DLGAP2: variants seen among roughly 807,000 people sequenced by gnomAD.
The protein encoded by DLGAP2 is DLG associated protein 2.
A neutral mutation model predicts 100.3 loss-of-function variants in DLGAP2; 26 were observed. That is an observed-to-expected ratio of 0.26 (90% CI 0.19 to 0.36). DLGAP2 has a LOEUF of 0.36. Among genes scored for constraint, DLGAP2 ranks in the 10% least tolerant of loss-of-function variants. The probability of loss-of-function intolerance (pLI) is 1.00; values close to 1 mark genes in which losing one functional copy is unlikely to be tolerated. For synonymous variants in DLGAP2, 886 were observed against 630.1 expected, an observed-to-expected ratio of 1.41 and a Z score of -6.08; for missense variants, 1,858 against 1,453.2, an observed-to-expected ratio of 1.28 and a Z score of -4.53.
chr8:1,668,479 C>T lies in DLGAP2; in HGVS notation c.1961C>T (p.Pro654Leu), dbSNP rs1485011768. The stretch of plus-strand genomic sequence containing the variant: ...CGCGCACAGAGGATGTCCCCGTGGC[C>T]CCAGGACAGCCGCGGCCTCTACAAC... ...DSRAQRMSPW[P>L]QDSRGLYNST... Residue 654 changes from proline (P) to leucine (L), a missense_variant, in exon 9 of 15, where the codon CCC (proline) becomes CTC (leucine). Pro to Leu is a moderately conservative substitution (Grantham distance 98, BLOSUM62 -3). Transcript: ENST00000637795. 3.1e-6 allele frequency: 5 copies of T among 1,593,060 alleles called. No homozygotes were observed. The African/African-American group carries it at 5.4e-5, about 17-fold the overall frequency.
intron 2 of DLGAP2, among the ~76,000 whole-genome samples, chr8:1,097,621 C>T (rs1585055969): frequency 7.2e-6 from 1 of 139,738 alleles, no homozygotes; most frequent in South Asian, 2.3e-4. Context: ...GTGTGAGACC[C>T]AGCTCCCTCT....
chr8:1,377,388 C>G (rs1248281281), intron 3 of DLGAP2, among the ~76,000 whole-genome samples: 1 of 152,106 alleles, frequency 6.6e-6, no homozygotes, highest in Non-Finnish European at 1.5e-5. Flanking sequence ...ACAGAAAATA[C>G]AAAAAATTAG....
intron 3 of DLGAP2, among the ~76,000 whole-genome samples, chr8:1,472,169 C>T (rs578124487): frequency 6.6e-6 from 1 of 152,148 alleles, no homozygotes; most frequent in Non-Finnish European, 1.5e-5. Context: ...CGGGGCCGCA[C>T]TGGGGAGGTG....
intron 2 of DLGAP2, among the ~76,000 whole-genome samples, chr8:925,551 T>C (rs146181763): frequency 6.6e-6 from 1 of 152,232 alleles, no homozygotes; most frequent in East Asian, 1.9e-4. Flanking sequence ...TAGCACAGCT[T>C]GGATGTCCAC....
At chr8:1,476,836 G>A (rs557716999) in intron 3 of DLGAP2, among the ~76,000 whole-genome samples, 39 of 142,096 alleles carry the variant, frequency 2.7e-4, no homozygotes, top group African/African-American at 1.1e-3. Context: ...CCACCCACCA[G>A]CCCCTTCTGC....
chr8:888,814 A>G (rs1337292960), intron 1 of DLGAP2, among the ~76,000 whole-genome samples: 1 of 152,060 alleles, frequency 6.6e-6, no homozygotes. Context: ...GTGTCTGTGT[A>G]CAGGGTGTGT....
At chr8:1,186,819 GC>G (rs1170886919) in intron 2 of DLGAP2, among the ~76,000 whole-genome samples, 9 of 152,130 alleles carry the variant, frequency 5.9e-5, no homozygotes, top group Admixed American at 3.9e-4. Context: ...GCCTGGCTTG[GC>G]TTTGCCTTTT....
chr8:898,964 T>C (rs1798197924), intron 1 of DLGAP2, among the ~76,000 whole-genome samples: 1 of 152,196 alleles, frequency 6.6e-6, no homozygotes, highest in Non-Finnish European at 1.5e-5. Flanking sequence ...TCTTGGGCCC[T>C]GCCCCAGAAC....
At chr8:795,396 T>A (rs1381993468) in intron 1 of DLGAP2, among the ~76,000 whole-genome samples, 3 of 152,218 alleles carry the variant, frequency 2.0e-5, no homozygotes, top group Non-Finnish European at 2.9e-5. Context: ...GTCACAGCCT[T>A]GCACTTAGAC....
At chr8:775,398 T>C (rs1353809771) in intron 1 of DLGAP2, among the ~76,000 whole-genome samples, 3 of 147,610 alleles carry the variant, frequency 2.0e-5, no homozygotes, top group Non-Finnish European at 3.0e-5. Flanking sequence ...TGAATAGGAG[T>C]GGTGAGAGAG....
At chr8:1,256,700 G>A (rs1263254055) in intron 2 of DLGAP2, among the ~76,000 whole-genome samples, 1 of 152,172 alleles carries the variant, frequency 6.6e-6, no homozygotes, top group East Asian at 1.9e-4. Flanking sequence ...AACTGACTGT[G>A]GGCCCTCTGT....
At position 1,496,613 on chromosome 8, in the gene DLGAP2, A is replaced by G. The variant is rs547080530; in HGVS notation, c.107-4753A>G. On this transcript the variant is annotated intron_variant, in intron 3 of 14. Transcript: ENST00000637795. ...CCCAGCACAGTGATCACGGCGCCCT[A>G]TGTTTGATTAAGGGCCATCACAGAC... Among the ~76,000 whole-genome samples, 3 of 152,146 alleles carry G rather than the reference A, an allele frequency of 2.0e-5. No individual in the cohort carries two copies. In the East Asian group the frequency reaches 5.8e-4, roughly 30 times the overall value.
chr8:1,355,957 G>A (rs1212295631), intron 3 of DLGAP2, among the ~76,000 whole-genome samples: 11 of 152,226 alleles, frequency 7.2e-5, no homozygotes, highest in Admixed American at 7.2e-4. Context: ...GTGTTGGGAA[G>A]CACCGGTGGC....
intron 1 of DLGAP2, among the ~76,000 whole-genome samples, chr8:805,499 G>T (rs916922795): frequency 2.0e-5 from 3 of 152,204 alleles, no homozygotes; most frequent in African/African-American, 7.2e-5. Context: ...CCCAAACTCA[G>T]ATGGCTCCCA....
chr8:807,650 C>T (rs1333554075), intron 1 of DLGAP2, among the ~76,000 whole-genome samples: 2 of 151,530 alleles, frequency 1.3e-5, no homozygotes, highest in Non-Finnish European at 2.9e-5. Flanking sequence ...CATATGTTCT[C>T]TCTCCTCTTT....
chr8:1,624,631 G>A (rs1403904773), intron 6 of DLGAP2, among the ~76,000 whole-genome samples: 3 of 151,864 alleles, frequency 2.0e-5, no homozygotes, highest in South Asian at 2.1e-4. Flanking sequence ...GTGTTAGCTC[G>A]CCTTCTGTTC....
intron 4 of DLGAP2, among the ~76,000 whole-genome samples, chr8:1,502,833 C>T (rs558245268): frequency 1.3e-4 from 20 of 152,188 alleles, no homozygotes; most frequent in Non-Finnish European, 2.5e-4. Context: ...CAGTTCTTCT[C>T]CATAGCAGCG....
At chr8:1,200,871 C>T (rs1195591416) in intron 2 of DLGAP2, among the ~76,000 whole-genome samples, 1 of 152,240 alleles carries the variant, frequency 6.6e-6, no homozygotes, top group East Asian at 1.9e-4. Context: ...TCGAACGATG[C>T]GTCCGCTGCT....
rs533131203 is a variant in DLGAP2 at position 1,389,482 on chromosome 8, G to C, written c.107-111884G>C. Reference sequence around the variant, plus strand: ...TCAGAGCTGGAAGAAGTGTCGATGAGGGACCCCGCTAAGGGCACTCAGAGC... The same window carrying C: ...TCAGAGCTGGAAGAAGTGTCGATGACGGACCCCGCTAAGGGCACTCAGAGC... On this transcript the variant is annotated intron_variant, in intron 3 of 14. Transcript: ENST00000637795. Among the ~76,000 whole-genome samples, 22 of 152,220 alleles carry C rather than the reference G, an allele frequency of 1.4e-4. No homozygotes were observed. In the East Asian group the frequency reaches 3.9e-3, roughly 27 times the overall value.
Sources: allele counts gnomAD v4.1 joint callset (sites outside exome capture counted in the v4.1 genomes callset), GRCh38; gene constraint gnomAD v4.1.1; transcripts MANE v1.5; gene names NCBI Gene and HGNC (gene_info 2026-07-23, HGNC 2026-07-21).